ARHGAP9: variants seen among roughly 807,000 people sequenced by gnomAD.
ARHGAP9 encodes Rho GTPase activating protein 9.
In ARHGAP9, 76 loss-of-function variants were observed where a neutral mutation model predicts 87.3. The observed-to-expected ratio is 0.87, with a 90% CI of 0.72 to 1.05. The LOEUF is 1.05. ARHGAP9 is among the 50% of genes least tolerant of loss of function. ARHGAP9 has a pLI of 0.00. For synonymous variants in ARHGAP9, 382 were observed against 394.9 expected (o/e 0.97, Z 0.39); for missense variants, 941 against 960.5 (o/e 0.98, Z 0.27).
intron 1 of ARHGAP9, chr12:57,488,557 C>T (rs924782280): frequency 1.3e-6 from 2 of 1,548,778 alleles, no homozygotes; most frequent in Admixed American, 3.9e-5. Context: ...CTTTTGTGTT[C>T]TTAGGAAATC....
rs756368203 is a variant in ARHGAP9, at chr12:57,488,236, G to T, written c.-204+376C>A. ...GGTGCTGGTGGGCGGTGGATGGGGG[G>T]GCGGGACCGAAACACGCCAGATTCT... On this transcript the variant is annotated intron_variant, in intron 1 of 20. Transcript: ENST00000393797. The T allele has an allele frequency of 3.2e-6, 5 of 1,578,848 alleles. No homozygotes were observed. In the Admixed American group the frequency reaches 8.4e-5, roughly 27 times the overall value.
rs759286061 is a variant in ARHGAP9, at chr12:57,472,619, C to T, written c.2094G>A (p.Leu698=). 2 of 1,614,246 alleles carry T rather than the reference C, an allele frequency of 1.2e-6. No homozygotes were observed. The highest frequency in any genetic ancestry group is 1.1e-5 in the South Asian group (1 of 91,090). ...CAGATGTCTCCTGCTCTGGCCGAAACAGGGTTGGTCCAAACACAATTCCCA... is the reference window on the plus strand; with the variant it reads ...CAGATGTCTCCTGCTCTGGCCGAAATAGGGTTGGTCCAAACACAATTCCCA... ...HNLGIVFGPT[L]FRPEQETSDP... is the part of the protein sequence containing the mutation. The change falls in exon 18 of 18, where the codon CTG becomes CTA. Residue 698 remains leucine, a synonymous_variant. Transcript: ENST00000393791.
chr12:57,487,302 A>G (rs1875495967), intron 1 of ARHGAP9: 1 of 151,776 alleles, frequency 6.6e-6, no homozygotes, highest in Admixed American at 6.6e-5. Context: ...GTTGTTGTTG[A>G]TAGGATGGAT....
At position 57,476,031 on chromosome 12, in the gene ARHGAP9, G is replaced by T. The variant is rs747411455; in HGVS notation, c.1212+40C>A. 1.9e-5 allele frequency: 28 copies of T among 1,507,268 alleles called. No homozygotes were observed. In the African/African-American group the frequency reaches 3.7e-4, roughly 20 times the overall value. 93.4% of individuals were successfully genotyped at this position (1,507,268 alleles called of 1,614,324 possible). A position where few individuals can be genotyped will look rare whatever the true frequency, so the allele number is the denominator to read the frequency against. The stretch of plus-strand genomic sequence containing the variant: ...GCGCGGGAGATTGGGGGCGCCCTCG[G>T]GTCGGGTGGGGCCTTGGGGACGCGC... On this transcript the variant is annotated intron_variant, in intron 9 of 17. Transcript: ENST00000393791.
At chr12:57,487,916 T>C (rs1291423260) in intron 1 of ARHGAP9, 21 of 599,152 alleles carry the variant, frequency 3.5e-5, no homozygotes, top group African/African-American at 1.2e-4. Flanking sequence ...ATCTCGATGA[T>C]AGTCTTTTCC....
chr12:57,472,520 G>A lies in ARHGAP9; in HGVS notation c.2193C>T (p.Pro731=), dbSNP rs1207640957. The A allele has an allele frequency of 1.9e-6, 3 of 1,614,062 alleles. No individual in the cohort carries two copies. The highest frequency in any genetic ancestry group is 2.5e-6 in the Non-Finnish European group (3 of 1,179,920). The change falls in exon 18 of 18, where the codon CCC becomes CCT. Residue 731 remains proline, a synonymous_variant. Transcript: ENST00000393791. ...LMLTNFTSLF[P] ...TTTCTCTTCTTCCTTCCCTGCATCA[G>A]GGGAAGAGGCTGGTGAAGTTGGTGA...
Position 57,474,107 on chromosome 12 carries a change from A to T in ARHGAP9, c.1853T>A (p.Phe618Tyr), listed in dbSNP as rs767768063. The T allele has an allele frequency of 9.9e-6, 16 of 1,614,076 alleles. No individual in the cohort carries two copies. The South Asian group carries it at 1.8e-4, about 18-fold the overall frequency. The change falls in exon 16 of 18, where the codon TTT becomes TAT. Residue 618 changes from phenylalanine to tyrosine, a missense_variant. Physicochemically the swap from Phe to Tyr is conservative, Grantham distance 22. Coordinates refer to ENST00000393791, the MANE Select transcript of ARHGAP9 (RefSeq NM_032496.4). ...IHVVTGALKLFLRELPQPLVP... is the reference protein window; with the variant it reads ...IHVVTGALKLYLRELPQPLVP... ...CAGAGGCTGGGGCAGCTCCCGGAGA[A>T]AAAGCTTCAGGGCTCCGGTGACCAC...
chr12:57,474,415 G>A lies in ARHGAP9; in HGVS notation c.1783+8C>T, dbSNP rs186930859. ...TTTAGGGATCTGAAGGGTCTTCCAT[G>A]TAAGTACCTTGTCCTGGCTGTTCTG... On this transcript the variant is annotated splice_region_variant and intron_variant, in intron 15 of 17. Coordinates refer to ENST00000393791, the MANE Select transcript of ARHGAP9 (RefSeq NM_032496.4). The A allele has an allele frequency of 1.9e-6, 3 of 1,614,132 alleles. No homozygotes were observed. Among genetic ancestry groups the A allele is most frequent in the Admixed American group, 3.3e-5 (2 of 60,020 alleles).
At chr12:57,479,568 G>A in intron 1 of ARHGAP9, 144 bp from the exon 2 acceptor site, 1 of 1,513,478 alleles carries the variant, frequency 6.6e-7, no homozygotes, top group Admixed American at 2.1e-5. Flanking sequence ...CAAACAGCCT[G>A]GTGAGGATCG....
At position 57,476,601 on chromosome 12, in the gene ARHGAP9, C is replaced by A. The variant is rs369469980; in HGVS notation, c.1014G>T (p.Gly338=). The A allele has an allele frequency of 3.1e-6, 5 of 1,614,130 alleles. No homozygotes were observed. In the Admixed American group the frequency reaches 5.0e-5, roughly 16 times the overall value. Residue 338 remains glycine (G), a synonymous_variant, in exon 7 of 18, where the codon GGG becomes GGT. Coordinates refer to ENST00000393791, the MANE Select transcript of ARHGAP9 (RefSeq NM_032496.4). ...LLNMTKIAQG[G]RKLRKNWGPS... ...TTCTGGGTTCTCACCTGAGCTTGCG[C>A]CCCCCTTGGGCAATCTTGGTCATGT...
chr12:57,477,493 G>C lies in ARHGAP9; in HGVS notation c.722C>G (p.Ser241Cys). Reference sequence around the variant, plus strand: ...GCGACTGCGGCGCGGGGGCTTCCAGGACTTGCAGCCAGTCAGTGAATTTAT... The same window carrying C: ...GCGACTGCGGCGCGGGGGCTTCCAGCACTTGCAGCCAGTCAGTGAATTTAT... ...FYINSLTGCK[S>C]WKPPRRSRSE... The change falls in exon 4 of 18, where the codon TCC becomes TGC. Residue 241 changes from serine (S) to cysteine (C), a missense_variant. Ser to Cys is a moderately radical substitution (Grantham distance 112). Coordinates refer to ENST00000393791, the MANE Select transcript of ARHGAP9 (RefSeq NM_032496.4). 4 of 1,614,100 alleles carry C rather than the reference G, an allele frequency of 2.5e-6. No individual in the cohort carries two copies. The highest frequency in any genetic ancestry group is 3.4e-6 in the Non-Finnish European group (4 of 1,180,012).
At chr12:57,475,053 A>AG in intron 12 of ARHGAP9, 80 bp from the exon 13 acceptor site, 1 of 1,449,062 alleles carries the variant, frequency 6.9e-7, no homozygotes, top group Admixed American at 1.8e-5. Context: ...TTTATCCTTA[A>AG]GTGAGGCTGG....
At chr12:57,484,677 G>A (rs532488275), upstream of ARHGAP9, among the ~76,000 whole-genome samples, 5 of 152,128 alleles carry the variant, frequency 3.3e-5, no homozygotes, top group African/African-American at 1.2e-4. Flanking sequence ...ACAGAGTCTC[G>A]TTCTGTTGCC....
intron 3 of ARHGAP9, chr12:57,477,902 C>T (rs1476577686): frequency 1.5e-6 from 2 of 1,337,490 alleles, no homozygotes; most frequent in Non-Finnish European, 9.6e-7. Flanking sequence ...TTCCTGTTGC[C>T]AACTTCCCGC....
At chr12:57,479,616 C>G in intron 1 of ARHGAP9, 114 bp downstream of exon 1, 2 of 1,542,126 alleles carry the variant, frequency 1.3e-6, no homozygotes, top group South Asian at 2.4e-5. Flanking sequence ...CTGGTGGTGT[C>G]TGGTGAGGAA....
Position 57,474,872 on chromosome 12 carries a change from G to T in ARHGAP9, c.1651+3C>A. ...AGGATTCTGGGGTCTCTGAGAAAAT[G>T]ACCTCTTTTATCCACAGCAGCAATG... On this transcript the variant is annotated splice_donor_region_variant and intron_variant, in intron 13 of 17. Transcript: ENST00000393791. 6.2e-7 allele frequency: 1 copy of T among 1,614,100 alleles called. No individual in the cohort carries two copies. The highest frequency in any genetic ancestry group is 1.1e-5 in the South Asian group (1 of 91,054).
At chr12:57,473,914 C>T in intron 16 of ARHGAP9, 128 bp downstream of exon 16, 1 of 1,409,250 alleles carries the variant, frequency 7.1e-7, no homozygotes, top group Non-Finnish European at 9.4e-7. Context: ...GAGTAGGCAC[C>T]TGAGTTGAAC....
rs144828330 is a variant in ARHGAP9, at chr12:57,477,481, G to A, written c.734C>T (p.Pro245Leu). 4.5e-5 allele frequency: 73 copies of A among 1,613,920 alleles called. No homozygotes were observed. The highest frequency in any genetic ancestry group is 1.3e-4 in the Admixed American group (8 of 59,972). ...SLTGCKSWKPPRRSRSETNPG... is the reference protein window; with the variant it reads ...SLTGCKSWKPLRRSRSETNPG... ...CACCGTCTCGCTGCGACTGCGGCGC[G>A]GGGGCTTCCAGGACTTGCAGCCAGT... Residue 245 changes from proline (P) to leucine (L), a missense_variant, in exon 4 of 18, where the codon CCG becomes CTG. By Grantham distance (98) the Pro-to-Leu change is moderately conservative (BLOSUM62 -3). Transcript: ENST00000393791.
At chr12:57,488,359 GTCACA>G (rs2139994726) in intron 1 of ARHGAP9, 1 of 742,796 alleles carries the variant, frequency 1.3e-6, no homozygotes, top group Non-Finnish European at 2.2e-6. Context: ...TTCCCTCCCA[GTCACA>G]TCTTTCACTT....
Sources: allele counts gnomAD v4.1 joint callset (sites outside exome capture counted in the v4.1 genomes callset), GRCh38; gene constraint gnomAD v4.1.1; transcripts MANE v1.5; gene names NCBI Gene and HGNC (gene_info 2026-07-23, HGNC 2026-07-21).